Variants in VPS26A observed in about 807,000 individuals in gnomAD.
The protein encoded by VPS26A is vacuolar protein sorting-associated protein 26A.
Under a neutral mutation model 42.4 loss-of-function variants are expected in VPS26A, and 22 were observed. That is an observed-to-expected ratio of 0.52 (90% CI 0.37 to 0.74). The LOEUF is 0.74. VPS26A is among the 30% of genes least tolerant of loss of function. The pLI, the probability that VPS26A is intolerant of heterozygous loss-of-function variation, is 0.00. For synonymous variants in VPS26A, 110 were observed against 123.5 expected (o/e 0.89, Z 0.73); for missense variants, 276 against 379.2 (o/e 0.73, Z 2.26).
chr10:69,160,040 G>C (rs1163266512), intron 5 of VPS26A, among the ~76,000 whole-genome samples: 1 of 151,782 alleles, frequency 6.6e-6, no homozygotes, highest in African/African-American at 2.4e-5. Flanking sequence ...ATGGACTTCA[G>C]AATCTTAAAA....
At chr10:69,137,835 G>T (rs533934749) in intron 2 of VPS26A, among the ~76,000 whole-genome samples, 9 of 147,192 alleles carry the variant, frequency 6.1e-5, no homozygotes, top group African/African-American at 1.6e-4. Context: ...GGGGCCCTAG[G>T]ATTTTTCTTT....
At chr10:69,131,539 C>A (rs1282430977) in intron 1 of VPS26A, among the ~76,000 whole-genome samples, 2 of 152,150 alleles carry the variant, frequency 1.3e-5, no homozygotes, top group Admixed American at 6.5e-5. Flanking sequence ...TCGAGACCGT[C>A]CTGGCTAACA....
chr10:69,160,080 T>G (rs1841518643), intron 5 of VPS26A, among the ~76,000 whole-genome samples: 1 of 151,762 alleles, frequency 6.6e-6, no homozygotes, highest in African/African-American at 2.4e-5. Flanking sequence ...ATCAAATAGT[T>G]TAGGACCTGA....
At chr10:69,166,437 AAT>A (rs1841689000) in intron 7 of VPS26A, among the ~76,000 whole-genome samples, 1 of 152,182 alleles carries the variant, frequency 6.6e-6, no homozygotes, top group African/African-American at 2.4e-5. Context: ...CTGACCACAA[AAT>A]GGAGTATGGC....
rs553076216 is a variant in VPS26A at position 69,174,044 on chromosome 10, T to C, written c.*2775T>C. The stretch of plus-strand genomic sequence containing the variant: ...TCAGCAGGACGTGGGCGGGGACAAA[T>C]AAGAGAATAAAAGCTGGCCACCCCC... On this transcript the variant is annotated 3_prime_UTR_variant, in exon 9 of 9. Coordinates refer to ENST00000263559, the MANE Select transcript of VPS26A (RefSeq NM_004896.5). Among the ~76,000 whole-genome samples the C allele has an allele frequency of 2.6e-5, 4 of 152,028 alleles. No individual in the cohort carries two copies. The highest frequency in any genetic ancestry group is 1.9e-4 in the East Asian group (1 of 5,170).
intron 2 of VPS26A, among the ~76,000 whole-genome samples, chr10:69,136,030 C>A (rs572775407): frequency 6.6e-6 from 1 of 152,266 alleles, no homozygotes; most frequent in African/African-American, 2.4e-5. Flanking sequence ...CAGGTTCCCT[C>A]TTCATACCTT....
chr10:69,167,091 C>G (rs1841703811), intron 7 of VPS26A, among the ~76,000 whole-genome samples: 1 of 136,216 alleles, frequency 7.3e-6, no homozygotes, highest in Admixed American at 8.2e-5. Context: ...CATGCCACTG[C>G]ACTCCAGCCT....
intron 1 of VPS26A, 57 bp from the exon 2 acceptor site, chr10:69,132,840 TA>T: frequency 1.3e-6 from 2 of 1,488,462 alleles, no homozygotes; most frequent in Non-Finnish European, 1.8e-6. Flanking sequence ...AAATTCAAAT[TA>T]TAAAATGTAG....
In VPS26A at chr10:69,171,780, A is replaced by G. The variant is rs1297594204; in HGVS notation, c.*511A>G. 6.5e-6 allele frequency: 1 copy of G among 153,318 alleles called. No individual in the cohort carries two copies. Among genetic ancestry groups the G allele is most frequent in the Non-Finnish European group, 1.5e-5 (1 of 68,602 alleles). The allele number at this position is 153,318 out of a possible 1,614,324, so 9.5% of individuals were successfully genotyped here. On this transcript the variant is annotated 3_prime_UTR_variant, in exon 9 of 9. Transcript: ENST00000263559. Reference sequence around the variant, plus strand: ...TGGCATCTCAATATTTTTGAGAACTACATTTGTTTTTAACATATGTGTTTG... The same window carrying G: ...TGGCATCTCAATATTTTTGAGAACTGCATTTGTTTTTAACATATGTGTTTG...
chr10:69,147,970 C>T (rs1000723719), intron 2 of VPS26A, among the ~76,000 whole-genome samples: 1 of 152,174 alleles, frequency 6.6e-6, no homozygotes, highest in South Asian at 2.1e-4. Flanking sequence ...CCTCGGCCTC[C>T]CACAGTGCTG....
chr10:69,142,454 A>G (rs987865438), intron 2 of VPS26A, among the ~76,000 whole-genome samples: 3 of 151,974 alleles, frequency 2.0e-5, no homozygotes. Flanking sequence ...TTGACCTCCC[A>G]AAGTGCTGGG....
intron 2 of VPS26A, among the ~76,000 whole-genome samples, chr10:69,136,289 G>T (rs1840907753): frequency 1.4e-5 from 2 of 147,940 alleles, no homozygotes; most frequent in African/African-American, 5.1e-5. Context: ...TTTTGAGACA[G>T]AGTCTTGCTC....
At chr10:69,134,820 C>T (rs1840867561) in intron 2 of VPS26A, among the ~76,000 whole-genome samples, 1 of 152,034 alleles carries the variant, frequency 6.6e-6, no homozygotes. Flanking sequence ...AGGCCAAGTG[C>T]AGTGGCTCAC....
chr10:69,171,086 A>G, intron 8 of VPS26A, 70 bp from the exon 9 acceptor site: 1 of 1,191,558 alleles, frequency 8.4e-7, no homozygotes, highest in South Asian at 1.4e-5. Flanking sequence ...TTAAAATTGA[A>G]GTGGCAATCA....
rs1840596963 is a variant in VPS26A, at chr10:69,124,288, C to A, written c.3+8C>A. On this transcript the variant is annotated splice_region_variant and intron_variant, in intron 1 of 8. Transcript: ENST00000263559. The stretch of plus-strand genomic sequence containing the variant: ...GCGGCGGCGTTGACAATGGTGAGTG[C>A]GCGGCGGCCAGCGCGCTCGCCTCCC... The A allele has an allele frequency of 2.4e-6, 3 of 1,262,472 alleles. No homozygotes were observed. Among genetic ancestry groups the A allele is most frequent in the Admixed American group, 4.0e-5 (1 of 24,726 alleles). 78.2% of individuals were successfully genotyped at this position (1,262,472 alleles called of 1,614,324 possible). A position where few individuals can be genotyped will look rare whatever the true frequency, so the allele number is the denominator to read the frequency against.
intron 2 of VPS26A, chr10:69,133,599 T>C: frequency 1.6e-6 from 2 of 1,289,682 alleles, no homozygotes; most frequent in Non-Finnish European, 2.0e-6. Flanking sequence ...TTATGACGCC[T>C]TCTATAAGGT....
intron 2 of VPS26A, among the ~76,000 whole-genome samples, chr10:69,154,575 A>G (rs1323639339): frequency 6.6e-6 from 1 of 151,898 alleles, no homozygotes; most frequent in Non-Finnish European, 1.5e-5. Context: ...CTTAAAGATG[A>G]GTTTGTGGCC....
chr10:69,163,813 G>A (rs1444872669), intron 6 of VPS26A, among the ~76,000 whole-genome samples: 1 of 146,626 alleles, frequency 6.8e-6, no homozygotes, highest in Non-Finnish European at 1.5e-5. Context: ...TGGCCCAGGC[G>A]GGAGTGCAGT....
At chr10:69,135,973 G>A (rs979154795) in intron 2 of VPS26A, among the ~76,000 whole-genome samples, 4 of 152,036 alleles carry the variant, frequency 2.6e-5, no homozygotes, top group Non-Finnish European at 4.4e-5. Flanking sequence ...GTTTAGTCTT[G>A]CTCATTTAAG....
Sources: allele counts gnomAD v4.1 joint callset (sites outside exome capture counted in the v4.1 genomes callset), GRCh38; gene constraint gnomAD v4.1.1; transcripts MANE v1.5; gene names NCBI Gene and HGNC (gene_info 2026-07-23, HGNC 2026-07-21).